RSPO4: variants seen among roughly 807,000 people sequenced by gnomAD.
RSPO4 encodes R-spondin-4.
RSPO4 carries 23 observed loss-of-function variants against 24.8 expected under a neutral mutation model. That is an observed-to-expected ratio of 0.93 (90% confidence interval 0.67 to 1.31). The LOEUF (loss-of-function observed/expected upper bound fraction) is 1.31, where lower values mean the gene tolerates loss of function less well. Ranked by LOEUF, RSPO4 falls within the 40% of genes most tolerant of loss-of-function variation. The pLI is 0.00. For missense variants in RSPO4, 333 were observed against 316.5 expected (o/e 1.05, Z -0.39); for synonymous variants, 141 against 127.4 (o/e 1.11, Z -0.72).
intron 1 of RSPO4, among the ~76,000 whole-genome samples, chr20:989,506 C>A (rs1012173708): frequency 1.3e-5 from 2 of 152,124 alleles, no homozygotes; most frequent in Non-Finnish European, 2.9e-5. Context: ...ATTGTAGGTG[C>A]TCAATAAATG....
intron 1 of RSPO4, among the ~76,000 whole-genome samples, chr20:991,153 C>G (rs1288329769): frequency 6.6e-6 from 1 of 152,210 alleles, no homozygotes; most frequent in African/African-American, 2.4e-5. Flanking sequence ...ATTGCCCGGG[C>G]TGGCCTCGAA....
chr20:992,431 C>T (rs1427170310), intron 1 of RSPO4, among the ~76,000 whole-genome samples: 2 of 151,994 alleles, frequency 1.3e-5, no homozygotes, highest in South Asian at 2.1e-4. Flanking sequence ...CTCAAAATGA[C>T]CTTCTTTGGA....
chr20:992,470 CAG>C (rs1303316586), intron 1 of RSPO4, among the ~76,000 whole-genome samples: 2 of 152,024 alleles, frequency 1.3e-5, no homozygotes, highest in Admixed American at 6.6e-5. Context: ...CACTTTCAAA[CAG>C]AGGCAGGGCC....
At position 967,257 on chromosome 20, in the gene RSPO4, C is replaced by T; in HGVS notation, c.326G>A (p.Arg109Lys). 1.2e-6 allele frequency: 2 copies of T among 1,614,228 alleles called. No individual in the cohort carries two copies. The highest frequency in any genetic ancestry group is 1.7e-6 in the Non-Finnish European group (2 of 1,180,038). Residue 109 changes from arginine to lysine, a missense_variant, in exon 3 of 5, where the codon AGG becomes AAG. Transcript: ENST00000217260. ...FSQDFCIRCKRQFYLYKGKCL... is the reference protein window; with the variant it reads ...FSQDFCIRCKKQFYLYKGKCL... ...CTTCCCCTTGTACAAGTAAAACTGC[C>T]TCTTGCACCGGATGCAGAAGTCCTG...
chr20:973,730 G>A (rs1204041221), intron 1 of RSPO4, among the ~76,000 whole-genome samples: 1 of 152,136 alleles, frequency 6.6e-6, no homozygotes, highest in Non-Finnish European at 1.5e-5. Flanking sequence ...AGTATATGCT[G>A]AAGGCCAAAG....
At chr20:992,480 G>A (rs1985141641) in intron 1 of RSPO4, among the ~76,000 whole-genome samples, 2 of 152,086 alleles carry the variant, frequency 1.3e-5, no homozygotes, top group East Asian at 1.9e-4. Flanking sequence ...CAGAGGCAGG[G>A]CCATCTCTGA....
chr20:988,076 G>T (rs998266118), intron 1 of RSPO4, among the ~76,000 whole-genome samples: 4 of 152,360 alleles, frequency 2.6e-5, no homozygotes, highest in African/African-American at 9.6e-5. Flanking sequence ...AAGCACTCTT[G>T]GCGGAGGGAC....
intron 1 of RSPO4, among the ~76,000 whole-genome samples, chr20:978,537 A>G (rs1274462333): frequency 3.3e-5 from 5 of 152,164 alleles, no homozygotes; most frequent in African/African-American, 1.2e-4. Flanking sequence ...TCTTAAATGA[A>G]TGCATGAACG....
chr20:997,848 G>A (rs979729769), intron 1 of RSPO4, among the ~76,000 whole-genome samples: 9 of 152,168 alleles, frequency 5.9e-5, no homozygotes, highest in African/African-American at 1.2e-4. Context: ...GGTTTGCTCC[G>A]GATGCACCAC....
At chr20:977,176 G>C (rs1260308675) in intron 1 of RSPO4, among the ~76,000 whole-genome samples, 1 of 152,220 alleles carries the variant, frequency 6.6e-6, no homozygotes, top group Non-Finnish European at 1.5e-5. Flanking sequence ...TAAAAACACA[G>C]GCTGCTGGGC....
chr20:1,001,947 T>C, intron 1 of RSPO4, 139 bp downstream of exon 1: 2 of 690,662 alleles, frequency 2.9e-6, no homozygotes, highest in Non-Finnish European at 5.0e-6. Flanking sequence ...TAAGTGAGGT[T>C]GAGACTCGTC....
chr20:966,154 A>C (rs542748601), intron 3 of RSPO4, among the ~76,000 whole-genome samples: 1 of 152,242 alleles, frequency 6.6e-6, no homozygotes, highest in South Asian at 2.1e-4. Context: ...ACACGGAGTC[A>C]GGGGCCATCA....
intron 1 of RSPO4, among the ~76,000 whole-genome samples, chr20:979,792 C>G (rs1984681354): frequency 6.6e-6 from 1 of 152,166 alleles, no homozygotes; most frequent in Non-Finnish European, 1.5e-5. Context: ...GTATACGGCC[C>G]TTTCACAGAA....
At chr20:988,332 T>C (rs566963118) in intron 1 of RSPO4, among the ~76,000 whole-genome samples, 2 of 152,182 alleles carry the variant, frequency 1.3e-5, no homozygotes, top group South Asian at 2.1e-4. Context: ...CTGAGGGGAA[T>C]GGACTGTGGG....
At chr20:975,498 G>A (rs953797543) in intron 1 of RSPO4, among the ~76,000 whole-genome samples, 2 of 152,166 alleles carry the variant, frequency 1.3e-5, no homozygotes, top group African/African-American at 4.8e-5. Flanking sequence ...TCCAGCAGCT[G>A]GAGAGGCTTA....
rs1016872033 is a variant in RSPO4 at position 981,383 on chromosome 20, G to A, written c.80-13245C>T. Among the ~76,000 whole-genome samples the A allele has an allele frequency of 6.6e-6, 1 of 152,082 alleles. No individual in the cohort carries two copies. Among genetic ancestry groups the A allele is most frequent in the Non-Finnish European group, 1.5e-5 (1 of 68,032 alleles). On this transcript the variant is annotated intron_variant, in intron 1 of 4. Transcript: ENST00000217260. This position sits in a 1 kb window ranked among gnomAD's most constrained non-coding sequence, Gnocchi z 4.6. ...CTACTAAAAATACAAAAATCAGCTG[G>A]GCGTGGTGGTGCACACCTGTAATCC...
At chr20:994,852 C>T (rs767542585) in intron 1 of RSPO4, among the ~76,000 whole-genome samples, 1 of 152,218 alleles carries the variant, frequency 6.6e-6, no homozygotes, top group Non-Finnish European at 1.5e-5. Flanking sequence ...GCGTGAGCCA[C>T]TGCGCCTGGC....
chr20:960,023 A>G lies in RSPO4; in HGVS notation c.*334T>C, dbSNP rs76811155. 6.6e-4 allele frequency: 262 copies of G among 394,756 alleles called. 1 individual carries two copies. Among genetic ancestry groups the G allele is most frequent in the African/African-American group, 4.5e-3 (220 of 48,850 alleles). The allele number at this position is 394,756 out of a possible 1,614,324, so 24.5% of individuals were successfully genotyped here. On this transcript the variant is annotated 3_prime_UTR_variant, in exon 5 of 5. Transcript: ENST00000217260. ...CCCTCTTAAAGTGTGTGTGAGAGGG[A>G]GACAAGAGGAGGGAGAGAGAGAAGG...
intron 1 of RSPO4, among the ~76,000 whole-genome samples, chr20:997,575 A>G (rs1352671730): frequency 6.6e-6 from 1 of 152,130 alleles, no homozygotes; most frequent in Non-Finnish European, 1.5e-5. Flanking sequence ...CCCTTTCAGA[A>G]CTACCCCTGC....
Sources: gnomAD v4.1 joint callset for allele counts (sites outside exome capture counted in the v4.1 genomes callset) on GRCh38, gnomAD v4.1.1 for gene constraint, Gnocchi (gnomAD v3.1) non-coding constraint, MANE v1.5 for transcripts, NCBI Gene and HGNC (gene_info 2026-07-23, HGNC 2026-07-21) for gene names.